Variants in C1orf50 observed in about 807,000 individuals in gnomAD.
The protein encoded by C1orf50 is uncharacterized protein C1orf50.
In C1orf50, 22 loss-of-function variants were observed where a neutral mutation model predicts 23.3. The observed-to-expected ratio is 0.94, with a 90% CI of 0.67 to 1.35. C1orf50 has a LOEUF of 1.35. Among genes scored for constraint, C1orf50 ranks in the 40% most tolerant of loss-of-function variants. The probability of loss-of-function intolerance (pLI) is 0.00; values close to 1 mark genes in which losing one functional copy is unlikely to be tolerated. For missense variants in C1orf50, 271 were observed against 249.4 expected, an observed-to-expected ratio of 1.09 and a Z score of -0.58; for synonymous variants, 96 against 102.4, an observed-to-expected ratio of 0.94 and a Z score of 0.38.
In C1orf50 at chr1:42,775,375, TC is replaced by T; in HGVS notation, c.583del (p.Gln195ArgfsTer3). ...VALPPCTEPN[F>X]QGLTH Reference sequence around the variant, plus strand: ...CTGCCTCCGTGCACTGAACCCAACTTCCAGGGACTGACTCACTGAGAGTGGG... The same window carrying T: ...CTGCCTCCGTGCACTGAACCCAACTTCAGGGACTGACTCACTGAGAGTGGG... On this transcript the variant is annotated frameshift_variant, in exon 5 of 5. Coordinates refer to ENST00000372525, the MANE Select transcript of C1orf50 (RefSeq NM_024097.4). LOFTEE classifies it high-confidence loss of function. 6.3e-7 allele frequency: 1 copy of T among 1,592,678 alleles called. No individual in the cohort carries two copies. Among genetic ancestry groups the T allele is most frequent in the Non-Finnish European group, 8.6e-7 (1 of 1,162,956 alleles).
intron 2 of C1orf50, among the ~76,000 whole-genome samples, chr1:42,768,036 C>T (rs1653123917): frequency 6.6e-6 from 1 of 152,192 alleles, no homozygotes; most frequent in Admixed American, 6.5e-5. Context: ...AGAGTTTAAA[C>T]ATCTTCTAGC....
At position 42,777,065 on chromosome 1, in the gene C1orf50, A is replaced by G. The variant is rs1301805117; in HGVS notation, c.*1671A>G. 6 of 152,164 alleles carry G rather than the reference A, an allele frequency of 3.9e-5. No homozygotes were observed. Among genetic ancestry groups the G allele is most frequent in the Non-Finnish European group, 8.8e-5 (6 of 68,058 alleles). The allele number at this position is 152,164 out of a possible 1,614,324, so 9.4% of individuals were successfully genotyped here. ...CTGAGTGGGGAAGGATCTGCTTCCA[A>G]GCTCACTTAAATTGTTAGCAGAATT... On this transcript the variant is annotated 3_prime_UTR_variant, in exon 5 of 5. Transcript: ENST00000372525.
chr1:42,776,321 A>G lies in C1orf50; in HGVS notation c.*927A>G, dbSNP rs986287061. 1.3e-5 allele frequency: 2 copies of G among 152,260 alleles called. No homozygotes were observed. Among genetic ancestry groups the G allele is most frequent in the African/African-American group, 2.4e-5 (1 of 41,464 alleles). 9.4% of individuals were successfully genotyped at this position (152,260 alleles called of 1,614,324 possible). ...GACCAGAATTATTCAAGAACTTAAC[A>G]GGGTTTTGGCAAAATTACTGTAGTT... is the stretch of plus-strand genomic sequence containing the variant. On this transcript the variant is annotated 3_prime_UTR_variant, in exon 5 of 5. Transcript: ENST00000372525.
chr1:42,775,246 C>G lies in C1orf50; in HGVS notation c.452C>G (p.Ala151Gly). Reference protein sequence around the residue: ...GTSCPHDFLGAYKLQHDLSWT... With the variant: ...GTSCPHDFLGGYKLQHDLSWT... ...AGTTGTCCACATGACTTCCTTGGTG[C>G]CTACAAACTACAGCATGACTTGTCC... The change falls in exon 5 of 5, where the codon GCC becomes GGC. Residue 151 changes from alanine to glycine, a missense_variant. Coordinates refer to ENST00000372525, the MANE Select transcript of C1orf50 (RefSeq NM_024097.4). 1 of 1,602,960 alleles carries G rather than the reference C, an allele frequency of 6.2e-7. No homozygotes were observed. Among genetic ancestry groups the G allele is most frequent in the South Asian group, 1.1e-5 (1 of 90,726 alleles).
intron 2 of C1orf50, among the ~76,000 whole-genome samples, chr1:42,768,558 A>C (rs1653141425): frequency 7.6e-6 from 1 of 132,408 alleles, no homozygotes; most frequent in South Asian, 3.0e-4. Context: ...AATCCTTCGA[A>C]TCCTTTTTTT....
rs758314321 is a variant in C1orf50 at position 42,775,280 on chromosome 1, G to A, written c.486G>A (p.Pro162=). 1.2e-5 allele frequency: 19 copies of A among 1,612,894 alleles called. No individual in the cohort carries two copies. The highest frequency in any genetic ancestry group is 5.0e-5 in the Admixed American group (3 of 59,984). Residue 162 remains proline (P), a synonymous_variant, in exon 5 of 5, where the codon CCG becomes CCA. Transcript: ENST00000372525. ...YKLQHDLSWT[P]YEDIEKQDAK... ...TACAGCATGACTTGTCCTGGACTCC[G>A]TATGAGGACATTGAGAAGCAAGATG...
chr1:42,767,962 G>C (rs1653120524), intron 2 of C1orf50, among the ~76,000 whole-genome samples: 2 of 152,200 alleles, frequency 1.3e-5, no homozygotes, highest in Non-Finnish European at 2.9e-5. Flanking sequence ...ACAAAGAAAA[G>C]TTCTTCGGGA....
At position 42,767,643 on chromosome 1, in the gene C1orf50, G is replaced by A. The variant is rs1354941732; in HGVS notation, c.195+19G>A. 6.3e-7 allele frequency: 1 copy of A among 1,591,554 alleles called. No individual in the cohort carries two copies. The highest frequency in any genetic ancestry group is 8.6e-7 in the Non-Finnish European group (1 of 1,166,314). On this transcript the variant is annotated intron_variant, in intron 2 of 4. Coordinates refer to ENST00000372525, the MANE Select transcript of C1orf50 (RefSeq NM_024097.4). ...GCAGAAGGTGAGGAGGCGCGGCCGG[G>A]GCAGCGAATAACCATCTTCGTTCAC...
chr1:42,770,210 T>G (rs574811313), intron 2 of C1orf50, among the ~76,000 whole-genome samples: 17 of 152,306 alleles, frequency 1.1e-4, no homozygotes, highest in African/African-American at 4.1e-4. Flanking sequence ...TTTGCATTTT[T>G]TTTGTTTGTT....
chr1:42,775,576 A>T lies in C1orf50; in HGVS notation c.*182A>T. 1 of 518,214 alleles carries T rather than the reference A, an allele frequency of 1.9e-6. No homozygotes were observed. The highest frequency in any genetic ancestry group is 3.3e-6 in the Non-Finnish European group (1 of 299,786). The allele number at this position is 518,214 out of a possible 1,614,324, so 32.1% of individuals were successfully genotyped here. A position where few individuals can be genotyped will look rare whatever the true frequency, so the allele number is the denominator to read the frequency against. On this transcript the variant is annotated 3_prime_UTR_variant, in exon 5 of 5. Coordinates refer to ENST00000372525, the MANE Select transcript of C1orf50 (RefSeq NM_024097.4). Reference sequence around the variant, plus strand: ...GGGATGGGAATAATCATTGAGACAGAGTCACTGTCTTTCGGGATCCTCTTT... The same window carrying T: ...GGGATGGGAATAATCATTGAGACAGTGTCACTGTCTTTCGGGATCCTCTTT...
chr1:42,775,215 G>A lies in C1orf50; in HGVS notation c.421G>A (p.Gly141Arg). ...YFSIISPKEW[G>R]TSCPHDFLGA... ...CCTCCTTTGCCTTCTCTAGGAATGGGGGACAAGTTGTCCACATGACTTCCT... is the reference window on the plus strand; with the variant it reads ...CCTCCTTTGCCTTCTCTAGGAATGGAGGACAAGTTGTCCACATGACTTCCT... Residue 141 changes from glycine (G) to arginine (R), a missense_variant, in exon 5 of 5, where the codon GGG (glycine) becomes AGG (arginine). Coordinates refer to ENST00000372525, the MANE Select transcript of C1orf50 (RefSeq NM_024097.4). 1.3e-6 allele frequency: 2 copies of A among 1,589,124 alleles called. No individual in the cohort carries two copies. The highest frequency in any genetic ancestry group is 1.7e-6 in the Non-Finnish European group (2 of 1,159,104).
chr1:42,776,008 C>T lies in C1orf50; in HGVS notation c.*614C>T, dbSNP rs1422469121. 1 of 151,922 alleles carries T rather than the reference C, an allele frequency of 6.6e-6. No individual in the cohort carries two copies. Among genetic ancestry groups the T allele is most frequent in the Non-Finnish European group, 1.5e-5 (1 of 68,014 alleles). 9.4% of individuals were successfully genotyped at this position (151,922 alleles called of 1,614,324 possible). Reference sequence around the variant, plus strand: ...GTCTTGCCCCTTTTGCTCTCTCTGCCTTGCTAGAGTGACAGAATCTGAGGC... The same window carrying T: ...GTCTTGCCCCTTTTGCTCTCTCTGCTTTGCTAGAGTGACAGAATCTGAGGC... On this transcript the variant is annotated 3_prime_UTR_variant, in exon 5 of 5. Coordinates refer to ENST00000372525, the MANE Select transcript of C1orf50 (RefSeq NM_024097.4).
Position 42,775,628 on chromosome 1 carries a change from T to A in C1orf50, c.*234T>A, listed in dbSNP as rs1653321200. 2.4e-6 allele frequency: 1 copy of A among 414,338 alleles called. No homozygotes were observed. Among genetic ancestry groups the A allele is most frequent in the East Asian group, 3.5e-5 (1 of 28,770 alleles). 25.7% of individuals were successfully genotyped at this position (414,338 alleles called of 1,614,324 possible). A position where few individuals can be genotyped will look rare whatever the true frequency, so the allele number is the denominator to read the frequency against. On this transcript the variant is annotated 3_prime_UTR_variant, in exon 5 of 5. Transcript: ENST00000372525. Reference sequence around the variant, plus strand: ...GACCACAGATACCCAAGTCAGTCAGTTTCAGAGTATTGGCCAGTGTACTTT... The same window carrying A: ...GACCACAGATACCCAAGTCAGTCAGATTCAGAGTATTGGCCAGTGTACTTT...
At position 42,779,447 on chromosome 1, in the gene C1orf50, T is replaced by C. The variant is rs1653407435; in HGVS notation, c.*4053T>C. On this transcript the variant is annotated 3_prime_UTR_variant, in exon 5 of 5. Coordinates refer to ENST00000372525, the MANE Select transcript of C1orf50 (RefSeq NM_024097.4). ...GAAGCATGGCACATTGAAAGTACAA[T>C]CGATTGCCATCTTGTTAATAAAATG... 6.6e-6 allele frequency: 1 copy of C among 151,558 alleles called. No individual in the cohort carries two copies. The allele number at this position is 151,558 out of a possible 1,614,324, so 9.4% of individuals were successfully genotyped here. A position where few individuals can be genotyped will look rare whatever the true frequency, so the allele number is the denominator to read the frequency against.
Position 42,778,544 on chromosome 1 carries a change from T to G in C1orf50, c.*3150T>G, listed in dbSNP as rs1324745272. 1 of 152,208 alleles carries G rather than the reference T, an allele frequency of 6.6e-6. No individual in the cohort carries two copies. The highest frequency in any genetic ancestry group is 2.4e-5 in the African/African-American group (1 of 41,434). 9.4% of individuals were successfully genotyped at this position (152,208 alleles called of 1,614,324 possible). On this transcript the variant is annotated 3_prime_UTR_variant, in exon 5 of 5. Transcript: ENST00000372525. ...TGGGGGTTGGGGTAGGGTTCATTTT[T>G]GGATGGAGTTTATTTGTGAATGAAG...
intron 4 of C1orf50, 143 bp downstream of exon 4, chr1:42,775,011 A>G: frequency 1.8e-6 from 2 of 1,132,426 alleles, no homozygotes; most frequent in Non-Finnish European, 2.5e-6. Context: ...GACTCTAAAA[A>G]ATATACCTGT....
In C1orf50 at chr1:42,767,515, T is replaced by C. The variant is rs1368119393; in HGVS notation, c.86T>C (p.Leu29Pro). 2.5e-6 allele frequency: 4 copies of C among 1,575,282 alleles called. No individual in the cohort carries two copies. In the African/African-American group the frequency reaches 5.4e-5, roughly 21 times the overall value. Residue 29 changes from leucine (L) to proline (P), a missense_variant, in exon 2 of 5, where the codon CTG becomes CCG. Physicochemically the swap from Leu to Pro is moderately conservative, Grantham distance 98. Coordinates refer to ENST00000372525, the MANE Select transcript of C1orf50 (RefSeq NM_024097.4). ...APPAAGQGGA[L>P]VELTPTPGGL... ...TCCTGGGTGTGTGTCGCAGGAGCCC[T>C]GGTGGAGCTCACCCCGACCCCCGGC...
At position 42,767,256 on chromosome 1, in the gene C1orf50, T is replaced by G. The variant is rs1478981191; in HGVS notation, c.-56T>G. The G allele has an allele frequency of 2.1e-6, 3 of 1,455,864 alleles. No individual in the cohort carries two copies. Among genetic ancestry groups the G allele is most frequent in the African/African-American group, 2.9e-5 (2 of 69,682 alleles). The allele number at this position is 1,455,864 out of a possible 1,614,324, so 90.2% of individuals were successfully genotyped here. On this transcript the variant is annotated 5_prime_UTR_variant, in exon 1 of 5. An upstream start codon of the reference 5' UTR is lost. Transcript: ENST00000372525. ...CGGAAGCTCCGCCCACGCGCCTTTA[T>G]GCGCAGGCTCTTCCTACTCGCACAG...
At chr1:42,772,796 C>T (rs1352591680) in intron 2 of C1orf50, among the ~76,000 whole-genome samples, 1 of 151,892 alleles carries the variant, frequency 6.6e-6, no homozygotes, top group Non-Finnish European at 1.5e-5. Context: ...AAAAAAATGT[C>T]CATTGCCTTC....
Sources: allele counts gnomAD v4.1 joint callset (sites outside exome capture counted in the v4.1 genomes callset), GRCh38; gene constraint gnomAD v4.1.1; transcripts MANE v1.5; gene names NCBI Gene and HGNC (gene_info 2026-07-23, HGNC 2026-07-21).